The following B3GALNT1 variants were observed in gnomAD, a reference collection of about 807,000 sequenced individuals.
The protein encoded by B3GALNT1 is UDP-GalNAc:beta-1,3-N-acetylgalactosaminyltransferase 1.
A neutral mutation model predicts 27.3 loss-of-function variants in B3GALNT1; 17 were observed. The observed-to-expected ratio is 0.62, with a 90% confidence interval of 0.43 to 0.94. The LOEUF is 0.94. Ranked by LOEUF, B3GALNT1 falls within the 40% of genes least tolerant of loss-of-function variation. The pLI is 0.00. For synonymous variants in B3GALNT1, 141 were observed against 144.0 expected (o/e 0.98, Z 0.15); for missense variants, 347 against 390.0 (o/e 0.89, Z 0.93).
chr3:161,104,029 G>A (rs1732901821), intron 2 of B3GALNT1: 2 of 232,874 alleles, frequency 8.6e-6, no homozygotes, highest in Non-Finnish European at 1.7e-5. Context: ...GCCCGGCCTG[G>A]ATGCTGTTTT....
intron 4 of B3GALNT1, among the ~76,000 whole-genome samples, chr3:161,090,755 C>T (rs1724644594): frequency 6.6e-6 from 1 of 151,930 alleles, no homozygotes; most frequent in Non-Finnish European, 1.5e-5. Context: ...CAATTTGTTT[C>T]ATCCATAAAT....
chr3:161,093,148 G>A (rs1726218717), intron 4 of B3GALNT1, among the ~76,000 whole-genome samples: 2 of 152,132 alleles, frequency 1.3e-5, no homozygotes. Flanking sequence ...AGTCAGCACA[G>A]GGCCTGGTCC....
rs774378292 is a variant in B3GALNT1 at position 161,103,503 on chromosome 3, A to C, written c.-206T>G. The C allele has an allele frequency of 1.9e-4, 241 of 1,274,478 alleles. 2 individuals carry two copies. The African/African-American group carries it at 3.6e-3, about 19-fold the overall frequency. The allele number at this position is 1,274,478 out of a possible 1,614,324, so 78.9% of individuals were successfully genotyped here. ...TTCCATGCTTAATTAAAACACTCAG[A>C]TCTGTTGTGAACTACTGAACAGAAG... On this transcript the variant is annotated 5_prime_UTR_variant, in exon 3 of 5. Transcript: ENST00000320474.
chr3:161,096,764 C>G (rs1050610508), intron 4 of B3GALNT1, among the ~76,000 whole-genome samples: 2 of 152,174 alleles, frequency 1.3e-5, no homozygotes, highest in African/African-American at 4.8e-5. Flanking sequence ...ACAACCAGTG[C>G]CATCTGACCA....
intron 4 of B3GALNT1, among the ~76,000 whole-genome samples, chr3:161,091,369 T>C (rs1036684909): frequency 1.3e-5 from 2 of 152,190 alleles, no homozygotes; most frequent in East Asian, 3.8e-4. Flanking sequence ...GTTTCAGTTA[T>C]CCACAGTCAA....
In B3GALNT1 at chr3:161,086,171, A is replaced by G; in HGVS notation, c.584T>C (p.Leu195Ser). Residue 195 changes from leucine to serine, a missense_variant, in exon 5 of 5, where the codon TTA becomes TCA. By Grantham distance (145) the Leu-to-Ser change is moderately radical (BLOSUM62 -2). Transcript: ENST00000320474. ...INTGNLVKYL[L>S]NLNHSEKFFT... ...AAACTTCTCTGAGTGGTTTAGGTTT[A>G]AAAGATACTTCACTAAATTGCCAGT... 1.2e-6 allele frequency: 2 copies of G among 1,614,080 alleles called. No homozygotes were observed. Among genetic ancestry groups the G allele is most frequent in the Non-Finnish European group, 1.7e-6 (2 of 1,179,964 alleles).
At position 161,086,485 on chromosome 3, in the gene B3GALNT1, A is replaced by C. The variant is rs905154978; in HGVS notation, c.270T>G (p.Asp90Glu). The change falls in exon 5 of 5, where the codon GAT (aspartate) becomes GAG (glutamate). Residue 90 changes from aspartate to glutamate, a missense_variant. By Grantham distance (45) the Asp-to-Glu change is conservative. Coordinates refer to ENST00000320474, the MANE Select transcript of B3GALNT1 (RefSeq NM_003781.4). Reference sequence around the variant, plus strand: ...CTCTAATGGCCTGCCTGGCTTTCACATCTGAAGGGTGGGAGGTCACCAGAA... The same window carrying C: ...CTCTAATGGCCTGCCTGGCTTTCACCTCTGAAGGGTGGGAGGTCACCAGAA... ...LVILVTSHPS[D>E]VKARQAIRVT... The C allele has an allele frequency of 6.8e-6, 11 of 1,613,994 alleles. No individual in the cohort carries two copies. The highest frequency in any genetic ancestry group is 9.3e-6 in the Non-Finnish European group (11 of 1,180,050).
chr3:161,086,816 A>C, intron 4 of B3GALNT1, 28 bp from the exon 5 acceptor site: 1 of 1,592,908 alleles, frequency 6.3e-7, no homozygotes, highest in Non-Finnish European at 8.6e-7. Flanking sequence ...GATTGGGTTA[A>C]TATTCCACAC....
Position 161,085,742 on chromosome 3 carries a change from T to A in B3GALNT1, c.*17A>T. 1 of 1,613,288 alleles carries A rather than the reference T, an allele frequency of 6.2e-7. No homozygotes were observed. On this transcript the variant is annotated 3_prime_UTR_variant, in exon 5 of 5. Transcript: ENST00000320474. ...ACAAAGTATCCTGTCCTTCTAGGCTTTTTGTAGAATGTGAAGTTAATAATG... is the reference window on the plus strand; with the variant it reads ...ACAAAGTATCCTGTCCTTCTAGGCTATTTGTAGAATGTGAAGTTAATAATG...
rs117012702 is a variant in B3GALNT1 at position 161,096,448 on chromosome 3, T to A, written c.-35+4691A>T. 7.4e-4 allele frequency among the ~76,000 whole-genome samples: 113 copies of A among 152,338 alleles called. No individual in the cohort carries two copies. In the East Asian group the frequency reaches 0.021, roughly 28 times the overall value. On this transcript the variant is annotated intron_variant, in intron 4 of 4. Coordinates refer to ENST00000320474, the MANE Select transcript of B3GALNT1 (RefSeq NM_003781.4). The stretch of plus-strand genomic sequence containing the variant: ...CAGTTTTGCAACATTCTAACTTTTC[T>A]TCTACATAAAATACTGCAAAGGGAG...
At position 161,086,619 on chromosome 3, in the gene B3GALNT1, G is replaced by A. The variant is rs1208545203; in HGVS notation, c.136C>T (p.Arg46Cys). 20 of 1,614,140 alleles carry A rather than the reference G, an allele frequency of 1.2e-5. No homozygotes were observed. The highest frequency in any genetic ancestry group is 4.4e-5 in the South Asian group (4 of 91,082). ...LSLPHYNVIE[R>C]VNWMYFYEYE... ...TCATAGAAGTACATCCAGTTCACGC[G>A]TTCTATCACATTGTAGTGGGGAAGG... is the stretch of plus-strand genomic sequence containing the variant. The change falls in exon 5 of 5, where the codon CGC becomes TGC. Residue 46 changes from arginine (R) to cysteine (C), a missense_variant. Arg to Cys is a radical substitution (Grantham distance 180, BLOSUM62 -3). Transcript: ENST00000320474.
chr3:161,095,012 A>G (rs1727343348), intron 4 of B3GALNT1, among the ~76,000 whole-genome samples: 1 of 152,062 alleles, frequency 6.6e-6, no homozygotes, highest in Non-Finnish European at 1.5e-5. Context: ...ATATAAATAT[A>G]TAGAGATGGG....
chr3:161,104,496 T>G, intron 1 of B3GALNT1, 90 bp from the exon 2 acceptor site: 1 of 496,696 alleles, frequency 2.0e-6, no homozygotes, highest in Non-Finnish European at 3.3e-6. Context: ...GATACTGAAT[T>G]CAAAGACTAC....
Position 161,086,199 on chromosome 3 carries a change from T to G in B3GALNT1, c.556A>C (p.Asn186His). Residue 186 changes from asparagine (N) to histidine (H), a missense_variant, in exon 5 of 5, where the codon AAT becomes CAT. Transcript: ENST00000320474. ...VMKTDTDVFINTGNLVKYLLN... is the reference protein window; with the variant it reads ...VMKTDTDVFIHTGNLVKYLLN... ...AGATACTTCACTAAATTGCCAGTAT[T>G]GATGAAAACATCAGTGTCTGTCTTC... The G allele has an allele frequency of 6.2e-7, 1 of 1,614,130 alleles. No homozygotes were observed. Among genetic ancestry groups the G allele is most frequent in the African/African-American group, 1.3e-5 (1 of 75,062 alleles).
chr3:161,095,845 T>C (rs1396987563), intron 4 of B3GALNT1, among the ~76,000 whole-genome samples: 1 of 152,182 alleles, frequency 6.6e-6, no homozygotes, highest in Non-Finnish European at 1.5e-5. Context: ...TGAATAAAAC[T>C]ACATTTCACC....
chr3:161,087,678 G>T lies in B3GALNT1; in HGVS notation c.-34-890C>A, dbSNP rs566253712. Among the ~76,000 whole-genome samples the T allele has an allele frequency of 1.6e-4, 25 of 152,302 alleles. No homozygotes were observed. In the East Asian group the frequency reaches 4.0e-3, roughly 25 times the overall value. On this transcript the variant is annotated intron_variant, in intron 4 of 4. Transcript: ENST00000320474. ...GACAAGAGGAGGCACAGAACATTCA[G>T]ATTGTGAAGTGACAGCTCTGTTCCT...
At chr3:161,099,638 C>T (rs941484851) in intron 4 of B3GALNT1, among the ~76,000 whole-genome samples, 1 of 152,170 alleles carries the variant, frequency 6.6e-6, no homozygotes, top group Non-Finnish European at 1.5e-5. Flanking sequence ...GGATACCTCT[C>T]AGGCACCATC....
At chr3:161,097,116 T>C (rs1229503661) in intron 4 of B3GALNT1, among the ~76,000 whole-genome samples, 1 of 152,222 alleles carries the variant, frequency 6.6e-6, no homozygotes, top group African/African-American at 2.4e-5. Flanking sequence ...AACAGGTGGC[T>C]TGTGGACATA....
chr3:161,092,214 T>A (rs1441834090), intron 4 of B3GALNT1, among the ~76,000 whole-genome samples: 1 of 152,166 alleles, frequency 6.6e-6, no homozygotes, highest in Non-Finnish European at 1.5e-5. Context: ...CATAAATATA[T>A]GTCCATAAGA....
Sources: gnomAD v4.1 joint callset for allele counts (sites outside exome capture counted in the v4.1 genomes callset) on GRCh38, gnomAD v4.1.1 for gene constraint, MANE v1.5 for transcripts, NCBI Gene and HGNC (gene_info 2026-07-23, HGNC 2026-07-21) for gene names.